Variants in ADAM10 observed in about 807,000 individuals in gnomAD.
The protein encoded by ADAM10 is disintegrin and metalloproteinase domain-containing protein 10.
In ADAM10, 17 loss-of-function variants were observed where a neutral mutation model predicts 90.1. The observed-to-expected ratio is 0.19, with a 90% CI of 0.13 to 0.28. The LOEUF is 0.28. Ranked by LOEUF, ADAM10 falls within the 10% of genes least tolerant of loss-of-function variation. The pLI is 1.00. For synonymous variants in ADAM10, 310 were observed against 298.6 expected (o/e 1.04, Z -0.40); for missense variants, 610 against 914.3 (o/e 0.67, Z 4.29).
chr15:58,666,090 C>T (rs953140240), intron 4 of ADAM10, among the ~76,000 whole-genome samples: 12 of 151,814 alleles, frequency 7.9e-5, no homozygotes, highest in African/African-American at 2.9e-4. Flanking sequence ...CACATTCCCT[C>T]TAGGTTCCAT....
intron 1 of ADAM10, among the ~76,000 whole-genome samples, chr15:58,737,055 C>T (rs1455163268): frequency 1.1e-4 from 16 of 152,044 alleles, no homozygotes; most frequent in African/African-American, 2.7e-4. Context: ...ATAACTTGGC[C>T]TCCTTGTCAC....
intron 9 of ADAM10, among the ~76,000 whole-genome samples, chr15:58,628,452 A>C (rs1896009943): frequency 6.6e-6 from 1 of 152,238 alleles, no homozygotes; most frequent in South Asian, 2.1e-4. Context: ...GTAAAAGCCT[A>C]GAGATAAAAC....
chr15:58,665,171 CCT>C lies in ADAM10; in HGVS notation c.509_510del (p.Gln170ArgfsTer10). On this transcript the variant is annotated frameshift_variant, in exon 5 of 16. Transcript: ENST00000260408. LOFTEE classifies it high-confidence loss of function. ...AATACTGAATGATCTGCACAGCCCC[CCT>C]GAGGACCGTATTTATGGGGATAGTC... Reference protein sequence around the residue: ...DINYPHKYGPQGGCADHSVFE... With the variant: ...DINYPHKYGPXGGCADHSVFE... 1 of 1,613,062 alleles carries C rather than the reference CCT, an allele frequency of 6.2e-7. No homozygotes were observed. The highest frequency in any genetic ancestry group is 8.5e-7 in the Non-Finnish European group (1 of 1,179,152).
At chr15:58,621,427 G>T in intron 11 of ADAM10, 44 bp downstream of exon 11, 1 of 1,610,822 alleles carries the variant, frequency 6.2e-7, no homozygotes, top group Non-Finnish European at 8.5e-7. Flanking sequence ...CTGCATTGAG[G>T]TAACTTTACA....
In ADAM10 at chr15:58,592,878, T is replaced by C. The variant is rs1192765215; in HGVS notation, c.*4669A>G. The C allele has an allele frequency of 6.6e-6, 1 of 150,982 alleles. No homozygotes were observed. The highest frequency in any genetic ancestry group is 1.5e-5 in the Non-Finnish European group (1 of 67,772). 9.4% of individuals were successfully genotyped at this position (150,982 alleles called of 1,614,324 possible). On this transcript the variant is annotated 3_prime_UTR_variant, in exon 16 of 16. Transcript: ENST00000260408. ...ACCCCAACAATTCCACTTTTAGGAA[T>C]TAATTTCATTATTAGGCTGAGGATT... is the stretch of plus-strand genomic sequence containing the variant.
rs151063397 is a variant in ADAM10 at position 58,636,079 on chromosome 15, C to T, written c.1013-2720G>A. Among the ~76,000 whole-genome samples, 1,437 of 152,100 alleles carry T rather than the reference C, an allele frequency of 9.4e-3. 21 individuals carry two copies. The highest frequency in any genetic ancestry group is 0.033 in the African/African-American group (1,361 of 41,468). ...ATCACCTGAGATCAGGAGTTGGAGA[C>T]CAGCATAACCAACATGTTGAAACCT... On this transcript the variant is annotated intron_variant, in intron 8 of 15. Coordinates refer to ENST00000260408, the MANE Select transcript of ADAM10 (RefSeq NM_001110.4).
At chr15:58,693,436 C>T (rs534553320) in intron 2 of ADAM10, among the ~76,000 whole-genome samples, 2 of 152,148 alleles carry the variant, frequency 1.3e-5, no homozygotes, top group Non-Finnish European at 2.9e-5. Flanking sequence ...AAATGAAAGA[C>T]CTAAGAATAT....
At chr15:58,704,142 T>G (rs1340641539) in intron 2 of ADAM10, 1 of 152,232 alleles carries the variant, frequency 6.6e-6, no homozygotes, top group Non-Finnish European at 1.5e-5. Flanking sequence ...GCAGCCAGAT[T>G]GCCCTCACAT....
At chr15:58,598,269 C>T (rs953108853) in intron 15 of ADAM10, among the ~76,000 whole-genome samples, 1 of 152,162 alleles carries the variant, frequency 6.6e-6, no homozygotes, top group African/African-American at 2.4e-5. Context: ...TAAAATGAAA[C>T]CAACATACAC....
chr15:58,643,949 T>C lies in ADAM10; in HGVS notation c.765A>G (p.Thr255=). 6.2e-7 allele frequency: 1 copy of C among 1,612,928 alleles called. No homozygotes were observed. Among genetic ancestry groups the C allele is most frequent in the South Asian group, 1.1e-5 (1 of 91,064 alleles). Residue 255 remains threonine (T), a synonymous_variant, in exon 7 of 16, where the codon ACA becomes ACG. Coordinates refer to ENST00000260408, the MANE Select transcript of ADAM10 (RefSeq NM_001110.4). ...QISSHVKAID[T]IYQTTDFSGI... is the part of the protein sequence containing the mutation. ...CGGAGAAGTCTGTGGTCTGGTAAAT[T>C]GTATCAATCGCTTTAACATGACTGG... is the stretch of plus-strand genomic sequence containing the variant.
At chr15:58,737,802 A>G (rs1385483669) in intron 1 of ADAM10, among the ~76,000 whole-genome samples, 1 of 152,110 alleles carries the variant, frequency 6.6e-6, no homozygotes, top group Non-Finnish European at 1.5e-5. Context: ...CAATCTACTA[A>G]ATTAAAGAAT....
intron 9 of ADAM10, among the ~76,000 whole-genome samples, chr15:58,632,458 T>C (rs1896129198): frequency 6.6e-6 from 1 of 152,188 alleles, no homozygotes; most frequent in Non-Finnish European, 1.5e-5. Flanking sequence ...CAGCAGCCTG[T>C]TTTTATATGG....
intron 1 of ADAM10, among the ~76,000 whole-genome samples, chr15:58,723,094 C>T (rs1018330972): frequency 4.0e-5 from 6 of 151,546 alleles, no homozygotes; most frequent in Non-Finnish European, 8.8e-5. Context: ...CTGGTCATAA[C>T]CTAATAATAT....
chr15:58,609,086 A>G (rs1895362145), intron 14 of ADAM10: 1 of 152,182 alleles, frequency 6.6e-6, no homozygotes, highest in African/African-American at 2.4e-5. Context: ...ATTGATAAAC[A>G]CCAGAAAGAT....
chr15:58,712,306 G>C (rs1418203000), intron 2 of ADAM10, among the ~76,000 whole-genome samples: 4 of 151,528 alleles, frequency 2.6e-5, no homozygotes, highest in Non-Finnish European at 4.4e-5. Context: ...TGTAATCCCA[G>C]CTTTGGGAGG....
At chr15:58,602,792 G>A (rs1275891448) in intron 14 of ADAM10, among the ~76,000 whole-genome samples, 1 of 152,092 alleles carries the variant, frequency 6.6e-6, no homozygotes, top group African/African-American at 2.4e-5. Context: ...TGTTCAATCT[G>A]TAAAAACTGT....
At chr15:58,649,652 T>C (rs1275807471) in intron 5 of ADAM10, among the ~76,000 whole-genome samples, 2 of 152,210 alleles carry the variant, frequency 1.3e-5, no homozygotes, top group South Asian at 2.1e-4. Flanking sequence ...CAATGAGAAA[T>C]GAGCTGCCAT....
chr15:58,738,916 C>A (rs191746019), intron 1 of ADAM10, among the ~76,000 whole-genome samples: 7 of 152,238 alleles, frequency 4.6e-5, no homozygotes, highest in Admixed American at 4.6e-4. Flanking sequence ...AACCTGCCTA[C>A]ATCACTTTCA....
intron 8 of ADAM10, among the ~76,000 whole-genome samples, chr15:58,634,031 C>T (rs1228579141): frequency 6.6e-6 from 1 of 152,012 alleles, no homozygotes; most frequent in Non-Finnish European, 1.5e-5. Context: ...TTCACCACTG[C>T]TGAGCGCAGT....
Sources: allele counts gnomAD v4.1 joint callset (sites outside exome capture counted in the v4.1 genomes callset), GRCh38; gene constraint gnomAD v4.1.1; transcripts MANE v1.5; gene names NCBI Gene and HGNC (gene_info 2026-07-23, HGNC 2026-07-21).